Variants in TUBA1C observed in about 807,000 individuals in gnomAD.
TUBA1C encodes tubulin alpha 1c.
Under a neutral mutation model 34.9 loss-of-function variants are expected in TUBA1C, and 16 were observed. The ratio of observed to expected loss-of-function variants is 0.46; its 90% CI spans 0.31 to 0.70. TUBA1C has a LOEUF of 0.70. TUBA1C is among the 30% of genes least tolerant of loss of function. The pLI, the probability that TUBA1C is intolerant of heterozygous loss-of-function variation, is 0.05. For missense variants in TUBA1C, 329 were observed against 587.3 expected, an observed-to-expected ratio of 0.56 and a Z score of 4.55; for synonymous variants, 177 against 215.9, an observed-to-expected ratio of 0.82 and a Z score of 1.58.
chr12:49,230,805 T>C (rs898786223), intron 1 of TUBA1C, among the ~76,000 whole-genome samples: 2 of 152,236 alleles, frequency 1.3e-5, no homozygotes, highest in African/African-American at 4.8e-5. Flanking sequence ...GTGCAGGATT[T>C]TGCCTGAAAG....
At chr12:49,254,324 G>T (rs949883458) in intron 1 of TUBA1C, among the ~76,000 whole-genome samples, 1 of 149,790 alleles carries the variant, frequency 6.7e-6, no homozygotes, top group African/African-American at 2.5e-5. Flanking sequence ...GAAGAGAAAA[G>T]AAAAAATTAG....
chr12:49,240,861 G>A (rs1942608451), intron 1 of TUBA1C, among the ~76,000 whole-genome samples: 1 of 152,118 alleles, frequency 6.6e-6, no homozygotes, highest in Non-Finnish European at 1.5e-5. Flanking sequence ...CTCACAAAGT[G>A]TTGGGATTAC....
At chr12:49,247,587 G>A (rs1402245485) in intron 1 of TUBA1C, among the ~76,000 whole-genome samples, 1 of 151,960 alleles carries the variant, frequency 6.6e-6, no homozygotes, top group Non-Finnish European at 1.5e-5. Flanking sequence ...CTGGGCAACA[G>A]AGCGAGACTC....
At chr12:49,232,740 T>C (rs1592271547) in intron 1 of TUBA1C, 1 of 152,220 alleles carries the variant, frequency 6.6e-6, no homozygotes, top group Non-Finnish European at 1.5e-5. Flanking sequence ...GTGTAAGATG[T>C]ATGACTTGTC....
chr12:49,265,969 A>AC (rs1428790784), intron 1 of TUBA1C, among the ~76,000 whole-genome samples: 1 of 141,434 alleles, frequency 7.1e-6, no homozygotes, highest in East Asian at 2.0e-4. Flanking sequence ...AAAAAAAAAA[A>AC]AAACAAAAAA....
intron 1 of TUBA1C, among the ~76,000 whole-genome samples, chr12:49,237,195 G>A (rs1426714774): frequency 6.6e-6 from 1 of 152,034 alleles, no homozygotes; most frequent in Non-Finnish European, 1.5e-5. Flanking sequence ...TGAGGCAGGT[G>A]GATCATCTGA....
At chr12:49,267,913 A>C (rs192630272) in intron 1 of TUBA1C, among the ~76,000 whole-genome samples, 273 of 152,350 alleles carry the variant, frequency 1.8e-3, no homozygotes, top group African/African-American at 6.3e-3. Context: ...AATCTGACTT[A>C]TGATGAAATG....
In TUBA1C at chr12:49,245,173, G is replaced by A. The variant is rs187555141; in HGVS notation, c.213+17007G>A. 2.7e-3 allele frequency among the ~76,000 whole-genome samples: 405 copies of A among 152,214 alleles called. 1 individual carries two copies. The highest frequency in any genetic ancestry group is 9.4e-3 in the African/African-American group (391 of 41,536). ...CACTTATTCATCACTTGTTTATTGA[G>A]GAGGGTGAAACGTCCAGCTATGGCA... On this transcript the variant is annotated intron_variant, in intron 1 of 3. Coordinates refer to the TUBA1C transcript ENST00000541364.
At chr12:49,237,873 C>T (rs1044891316) in intron 1 of TUBA1C, among the ~76,000 whole-genome samples, 1 of 151,944 alleles carries the variant, frequency 6.6e-6, no homozygotes, top group African/African-American at 2.4e-5. Flanking sequence ...CTTTGGGAGG[C>T]TGAAGCAGGT....
At chr12:49,270,835 C>T (rs866354609) in intron 3 of TUBA1C, among the ~76,000 whole-genome samples, 4 of 151,980 alleles carry the variant, frequency 2.6e-5, no homozygotes, top group South Asian at 2.1e-4. Context: ...AAAAATTAGC[C>T]GGGCGTGGTG....
upstream of TUBA1C, among the ~76,000 whole-genome samples, chr12:49,261,980 T>A (rs1469960209): frequency 6.6e-6 from 1 of 152,146 alleles, no homozygotes; most frequent in African/African-American, 2.4e-5. Flanking sequence ...CTCATATTTG[T>A]AGAGCTCACA....
chr12:49,251,378 T>C (rs528162682), intron 1 of TUBA1C, among the ~76,000 whole-genome samples: 6 of 152,326 alleles, frequency 3.9e-5, no homozygotes, highest in Non-Finnish European at 4.4e-5. Flanking sequence ...TCAATATTAC[T>C]CTGATACTAA....
At chr12:49,235,853 T>C (rs1309661982) in intron 1 of TUBA1C, among the ~76,000 whole-genome samples, 1 of 152,172 alleles carries the variant, frequency 6.6e-6, no homozygotes, top group Non-Finnish European at 1.5e-5. Flanking sequence ...CGTCATTTGT[T>C]ACATTGCTGG....
At chr12:49,242,556 T>C (rs1389949438) in intron 1 of TUBA1C, among the ~76,000 whole-genome samples, 1 of 150,962 alleles carries the variant, frequency 6.6e-6, no homozygotes, top group Non-Finnish European at 1.5e-5. Context: ...CAGCCTCAAA[T>C]CCCCAGGTTC....
chr12:49,259,268 T>A (rs1942819264), intron 1 of TUBA1C, among the ~76,000 whole-genome samples: 1 of 151,962 alleles, frequency 6.6e-6, no homozygotes, highest in Non-Finnish European at 1.5e-5. Context: ...AGTCTCACTG[T>A]GTCGCCCAGG....
At chr12:49,231,870 C>A (rs1431274687) in intron 1 of TUBA1C, among the ~76,000 whole-genome samples, 1 of 152,198 alleles carries the variant, frequency 6.6e-6, no homozygotes, top group Non-Finnish European at 1.5e-5. Flanking sequence ...TCAGAGGCAT[C>A]CATAATTCTT....
chr12:49,266,791 G>C (rs1463067756), intron 1 of TUBA1C, among the ~76,000 whole-genome samples: 1 of 152,142 alleles, frequency 6.6e-6, no homozygotes, highest in African/African-American at 2.4e-5. Context: ...GGAAGCTGCA[G>C]TGAGCCCAGA....
upstream of TUBA1C, among the ~76,000 whole-genome samples, chr12:49,263,308 G>C (rs1249009707): frequency 6.6e-6 from 1 of 151,970 alleles, no homozygotes; most frequent in Non-Finnish European, 1.5e-5. Context: ...GAGCCACTGC[G>C]CCAGGCCTGT....
rs750284115 is a variant in TUBA1C at position 49,272,283 on chromosome 12, T to C, written c.406T>C (p.Leu136=). 8.7e-6 allele frequency: 14 copies of C among 1,613,106 alleles called. No homozygotes were observed. In the African/African-American group the frequency reaches 1.3e-4, roughly 15 times the overall value. The change falls in exon 4 of 4, where the codon TTG becomes CTG. Residue 136 remains leucine (L), a synonymous_variant. Coordinates refer to ENST00000301072, the MANE Select transcript of TUBA1C (RefSeq NM_032704.5). ...ADQCTGLQGF[L]VFHSFGGGTG... is the part of the protein sequence containing the mutation. The stretch of plus-strand genomic sequence containing the variant: ...CCAGTGCACCGGTCTTCAGGGCTTC[T>C]TGGTTTTCCACAGCTTTGGTGGGGG...
Sources: gnomAD v4.1 joint callset for allele counts (sites outside exome capture counted in the v4.1 genomes callset) on GRCh38, gnomAD v4.1.1 for gene constraint, MANE v1.5 for transcripts, NCBI Gene and HGNC (gene_info 2026-07-23, HGNC 2026-07-21) for gene names.